ZNF704: variants seen among roughly 807,000 people sequenced by gnomAD.
ZNF704 encodes the protein glucocorticoid induced gene 1.
In ZNF704, 10 loss-of-function variants were observed where a neutral mutation model predicts 44.7. That is an observed-to-expected ratio of 0.22 (90% CI 0.14 to 0.38). The LOEUF (loss-of-function observed/expected upper bound fraction) is 0.38, where lower values mean the gene tolerates loss of function less well. Ranked by LOEUF, ZNF704 falls within the 10% of genes least tolerant of loss-of-function variation. The probability of loss-of-function intolerance (pLI) is 1.00; values close to 1 mark genes in which losing one functional copy is unlikely to be tolerated. For missense variants in ZNF704, 390 were observed against 545.5 expected (o/e 0.71, Z 2.84); for synonymous variants, 211 against 207.6 (o/e 1.02, Z -0.14).
At chr8:80,756,861 C>T (rs1050313595) in intron 2 of ZNF704, among the ~76,000 whole-genome samples, 6 of 152,294 alleles carry the variant, frequency 3.9e-5, no homozygotes, top group African/African-American at 1.2e-4. Context: ...CCTCTGCGAG[C>T]TTACAGTCCA....
rs543225467 is a variant in ZNF704, at chr8:80,684,908, A to G, written c.558+2318T>C. ...TCTTGTTATTTTCACTGTTCAAAGT[A>G]ACTTTAAATTCAAAAGGCCAAGGTA... is the stretch of plus-strand genomic sequence containing the variant. On this transcript the variant is annotated intron_variant, in intron 4 of 8. Coordinates refer to ENST00000327835, the MANE Select transcript of ZNF704 (RefSeq NM_001033723.3). Among the ~76,000 whole-genome samples, 30 of 152,362 alleles carry G rather than the reference A, an allele frequency of 2.0e-4. 1 individual carries two copies. Among genetic ancestry groups the G allele is most frequent in the Middle Eastern group, 3.4e-3 (1 of 294 alleles).
chr8:80,645,011 C>T, intron 7 of ZNF704: 1 of 1,215,394 alleles, frequency 8.2e-7, no homozygotes, highest in Non-Finnish European at 1.2e-6. Context: ...TATAATGGAC[C>T]CATCCCTGAC....
At chr8:80,857,766 T>A (rs1001433866) in intron 1 of ZNF704, among the ~76,000 whole-genome samples, 2 of 152,204 alleles carry the variant, frequency 1.3e-5, no homozygotes, top group African/African-American at 4.8e-5. Flanking sequence ...ACTTCTTTTT[T>A]GTAAAGATTT....
chr8:80,864,191 TACA>T (rs1809115210), intron 1 of ZNF704, among the ~76,000 whole-genome samples: 1 of 152,182 alleles, frequency 6.6e-6, no homozygotes, highest in South Asian at 2.1e-4. Flanking sequence ...TATGACCCAC[TACA>T]ACACTTTAAC....
intron 2 of ZNF704, among the ~76,000 whole-genome samples, chr8:80,794,959 T>G (rs1030609439): frequency 6.6e-6 from 1 of 152,214 alleles, no homozygotes; most frequent in Admixed American, 6.5e-5. Flanking sequence ...TATAAATGTA[T>G]GGTACATGAA....
At chr8:80,743,085 T>C (rs932180550) in intron 2 of ZNF704, among the ~76,000 whole-genome samples, 7 of 150,370 alleles carry the variant, frequency 4.7e-5, no homozygotes, top group Non-Finnish European at 8.8e-5. Context: ...GAAGGAACAA[T>C]GATCGGGATA....
intron 1 of ZNF704, among the ~76,000 whole-genome samples, chr8:80,824,840 G>A (rs1336135134): frequency 6.6e-6 from 1 of 152,142 alleles, no homozygotes; most frequent in Admixed American, 6.5e-5. Flanking sequence ...CATAAGTGAA[G>A]GGGAAATAAA....
chr8:80,678,255 T>C (rs1203815664), intron 4 of ZNF704, among the ~76,000 whole-genome samples: 2 of 152,074 alleles, frequency 1.3e-5, no homozygotes, highest in Non-Finnish European at 2.9e-5. Context: ...GAAACATAAT[T>C]ACATATAGTG....
rs1163781112 is a variant in ZNF704 at position 80,633,943 on chromosome 8, T to C, written c.*7423A>G. 1 of 152,116 alleles carries C rather than the reference T, an allele frequency of 6.6e-6. No homozygotes were observed. Among genetic ancestry groups the C allele is most frequent in the Non-Finnish European group, 1.5e-5 (1 of 68,022 alleles). 9.4% of individuals were successfully genotyped at this position (152,116 alleles called of 1,614,324 possible). ...TATGTGGAAAAACCTCCTTTTGAGG[T>C]TAGTGGACACTCTGAAATAGCCTAA... On this transcript the variant is annotated 3_prime_UTR_variant, in exon 9 of 9. Coordinates refer to ENST00000327835, the MANE Select transcript of ZNF704 (RefSeq NM_001033723.3).
intron 2 of ZNF704, among the ~76,000 whole-genome samples, chr8:80,734,120 C>T (rs1450551364): frequency 6.6e-6 from 1 of 152,148 alleles, no homozygotes; most frequent in Non-Finnish European, 1.5e-5. Flanking sequence ...TGAGAAACCA[C>T]TATTGATAGA....
At chr8:80,707,409 TAA>T (rs1489875624) in intron 2 of ZNF704, among the ~76,000 whole-genome samples, 3 of 152,228 alleles carry the variant, frequency 2.0e-5, no homozygotes, top group Non-Finnish European at 4.4e-5. Context: ...ACTACTCATT[TAA>T]AAAGAGTGTT....
At chr8:80,647,805 A>C (rs2131593586) in intron 7 of ZNF704, among the ~76,000 whole-genome samples, 1 of 152,340 alleles carries the variant, frequency 6.6e-6, no homozygotes, top group Admixed American at 6.5e-5. Flanking sequence ...AGAAAGTTAC[A>C]GAAGCAGCAG....
At chr8:80,778,246 A>G (rs570949327) in intron 2 of ZNF704, among the ~76,000 whole-genome samples, 1 of 152,320 alleles carries the variant, frequency 6.6e-6, no homozygotes, top group South Asian at 2.1e-4. Flanking sequence ...CAATAAGCAT[A>G]TTAAAAAAAA....
At chr8:80,731,669 G>T (rs751561823) in intron 2 of ZNF704, among the ~76,000 whole-genome samples, 10 of 152,090 alleles carry the variant, frequency 6.6e-5, no homozygotes, top group Non-Finnish European at 1.0e-4. Flanking sequence ...GAAGGCTGAG[G>T]CAGGACTTCT....
intron 2 of ZNF704, among the ~76,000 whole-genome samples, chr8:80,749,097 C>T (rs989957333): frequency 1.3e-5 from 2 of 152,162 alleles, no homozygotes; most frequent in South Asian, 4.1e-4. Flanking sequence ...GCCCCATCTA[C>T]TTCCTAACTA....
At chr8:80,825,946 T>C (rs888328557) in intron 1 of ZNF704, among the ~76,000 whole-genome samples, 19 of 152,188 alleles carry the variant, frequency 1.2e-4, no homozygotes, top group South Asian at 4.1e-4. Context: ...GGGAAATTTA[T>C]TGCACTAAAT....
intron 2 of ZNF704, among the ~76,000 whole-genome samples, chr8:80,757,272 C>A (rs1807051935): frequency 6.6e-6 from 1 of 151,992 alleles, no homozygotes; most frequent in Non-Finnish European, 1.5e-5. Flanking sequence ...TAATCCTGAC[C>A]TTGTATAGGC....
In ZNF704 at chr8:80,637,290, A is replaced by G. The variant is rs1213025214; in HGVS notation, c.*4076T>C. 1.3e-5 allele frequency: 2 copies of G among 152,180 alleles called. No homozygotes were observed. Among genetic ancestry groups the G allele is most frequent in the African/African-American group, 2.4e-5 (1 of 41,430 alleles). 9.4% of individuals were successfully genotyped at this position (152,180 alleles called of 1,614,324 possible). Reference sequence around the variant, plus strand: ...CCTAGTTTCAGGAGTCTCCAGACCTATTTTTGCATGCCCTTTATTTTTCCC... The same window carrying G: ...CCTAGTTTCAGGAGTCTCCAGACCTGTTTTTGCATGCCCTTTATTTTTCCC... On this transcript the variant is annotated 3_prime_UTR_variant, in exon 9 of 9. Transcript: ENST00000327835.
At chr8:80,698,470 C>A (rs1421227727) in intron 2 of ZNF704, among the ~76,000 whole-genome samples, 1 of 152,116 alleles carries the variant, frequency 6.6e-6, no homozygotes, top group African/African-American at 2.4e-5. Context: ...CAGGGAGGGC[C>A]TTCCATGCTC....
Sources: allele counts gnomAD v4.1 joint callset (sites outside exome capture counted in the v4.1 genomes callset), GRCh38; gene constraint gnomAD v4.1.1; transcripts MANE v1.5; gene names NCBI Gene and HGNC (gene_info 2026-07-23, HGNC 2026-07-21).